The following CACNA2D2 variants were observed in gnomAD, a reference collection of about 807,000 sequenced individuals.
CACNA2D2 encodes the protein calcium voltage-gated channel auxiliary subunit alpha2delta 2, also known as voltage-dependent calcium channel subunit alpha-2/delta-2.
A neutral mutation model predicts 166.4 loss-of-function variants in CACNA2D2; 48 were observed. The ratio of observed to expected loss-of-function variants is 0.29; its 90% CI spans 0.23 to 0.37. CACNA2D2 has a LOEUF of 0.37. Among genes scored for constraint, CACNA2D2 ranks in the 10% least tolerant of loss-of-function variants. The pLI is 1.00. For synonymous variants in CACNA2D2, 561 were observed against 573.7 expected (o/e 0.98, Z 0.32); for missense variants, 1,122 against 1,433.0 (o/e 0.78, Z 3.50).
chr3:50,442,673 C>T (rs976159814), intron 2 of CACNA2D2, among the ~76,000 whole-genome samples: 8 of 152,206 alleles, frequency 5.3e-5, no homozygotes, highest in Non-Finnish European at 1.2e-4. Context: ...GGCACTGGCT[C>T]CCTGCAACCT....
At chr3:50,394,888 C>A (rs1200443842) in intron 3 of CACNA2D2, among the ~76,000 whole-genome samples, 5 of 152,250 alleles carry the variant, frequency 3.3e-5, no homozygotes, top group African/African-American at 1.2e-4. Context: ...CACAACCTCG[C>A]AGAACCACCA....
At chr3:50,382,964 A>G (rs1287485728) in intron 6 of CACNA2D2, among the ~76,000 whole-genome samples, 1 of 152,242 alleles carries the variant, frequency 6.6e-6, no homozygotes, top group African/African-American at 2.4e-5. Context: ...ACTCAGCCCC[A>G]TGCGCACAGA....
intron 22 of CACNA2D2, chr3:50,373,158 G>A: frequency 7.7e-7 from 1 of 1,300,110 alleles, no homozygotes. Flanking sequence ...CGAAAAGGGG[G>A]AGGGAAAGGG....
At chr3:50,440,636 T>C (rs1708544866) in intron 2 of CACNA2D2, among the ~76,000 whole-genome samples, 1 of 152,170 alleles carries the variant, frequency 6.6e-6, no homozygotes, top group Non-Finnish European at 1.5e-5. Context: ...CACACAGCAG[T>C]GTGGGAGCAG....
chr3:50,378,369 G>T, intron 13 of CACNA2D2, 36 bp from the exon 14 acceptor site: 1 of 1,547,300 alleles, frequency 6.5e-7, no homozygotes, highest in South Asian at 1.2e-5. Context: ...GGGCCTGGCT[G>T]GCACTGCAGG....
chr3:50,432,109 G>T (rs768927397), intron 3 of CACNA2D2, among the ~76,000 whole-genome samples: 10 of 152,160 alleles, frequency 6.6e-5, no homozygotes, highest in Admixed American at 1.3e-4. Context: ...ACATAGCAGA[G>T]TCCAGCAAGG....
chr3:50,481,091 T>C (rs1463607034), intron 1 of CACNA2D2, among the ~76,000 whole-genome samples: 1 of 152,040 alleles, frequency 6.6e-6, no homozygotes, highest in East Asian at 1.9e-4. Flanking sequence ...GAATAAATTA[T>C]GCAGAAAACT....
At chr3:50,368,678 C>T (rs1196385799) in intron 23 of CACNA2D2, among the ~76,000 whole-genome samples, 3 of 152,214 alleles carry the variant, frequency 2.0e-5, no homozygotes, top group African/African-American at 7.2e-5. Context: ...GGCTGTGTGC[C>T]GTTAGGTAAC....
chr3:50,387,495 G>T, intron 5 of CACNA2D2, 73 bp downstream of exon 5: 1 of 1,263,248 alleles, frequency 7.9e-7, no homozygotes, highest in Non-Finnish European at 1.2e-6. Flanking sequence ...GTGGCGCTGA[G>T]TCCTAACATC....
intron 1 of CACNA2D2, among the ~76,000 whole-genome samples, chr3:50,488,325 A>G (rs1421664381): frequency 1.3e-5 from 2 of 152,164 alleles, no homozygotes; most frequent in Non-Finnish European, 1.5e-5. Context: ...TGCCCAGGGA[A>G]GCTGGGCCTC....
chr3:50,452,243 T>A, intron 2 of CACNA2D2, among the ~76,000 whole-genome samples: 1 of 152,174 alleles, frequency 6.6e-6, no homozygotes, highest in Non-Finnish European at 1.5e-5. Flanking sequence ...TGAGAATGCC[T>A]CACAGCCCAA....
chr3:50,382,100 AG>A (rs1412580298), intron 6 of CACNA2D2, among the ~76,000 whole-genome samples: 2 of 152,058 alleles, frequency 1.3e-5, no homozygotes, highest in African/African-American at 4.8e-5. Context: ...TGGTTTGAGC[AG>A]TACCCTCGAC....
intron 1 of CACNA2D2, among the ~76,000 whole-genome samples, chr3:50,501,173 A>G (rs1698947887): frequency 6.6e-6 from 1 of 152,132 alleles, no homozygotes; most frequent in Non-Finnish European, 1.5e-5. Flanking sequence ...TGGCCCGAAC[A>G]ACAGCCTAAA....
At chr3:50,417,391 C>T (rs887596275) in intron 3 of CACNA2D2, among the ~76,000 whole-genome samples, 8 of 152,356 alleles carry the variant, frequency 5.3e-5, no homozygotes, top group Admixed American at 6.5e-5. Flanking sequence ...GCAGGCCCTG[C>T]AACCCTTGCT....
intron 2 of CACNA2D2, among the ~76,000 whole-genome samples, chr3:50,470,986 A>G (rs1710064695): frequency 6.6e-6 from 1 of 152,154 alleles, no homozygotes; most frequent in Admixed American, 6.5e-5. Context: ...TTTCCATTAA[A>G]GAATAATATA....
chr3:50,430,973 C>T (rs764597984), intron 3 of CACNA2D2, among the ~76,000 whole-genome samples: 4 of 152,176 alleles, frequency 2.6e-5, no homozygotes, highest in Non-Finnish European at 5.9e-5. Context: ...AGCAACCACC[C>T]TTTGCAGCTT....
At chr3:50,456,326 G>C (rs772457645) in intron 2 of CACNA2D2, among the ~76,000 whole-genome samples, 1 of 152,232 alleles carries the variant, frequency 6.6e-6, no homozygotes, top group African/African-American at 2.4e-5. Context: ...CTGGTAGAGT[G>C]GGGGAGGGGA....
At chr3:50,385,228 G>A (rs1172994002) in intron 5 of CACNA2D2, among the ~76,000 whole-genome samples, 3 of 152,250 alleles carry the variant, frequency 2.0e-5, no homozygotes, top group Non-Finnish European at 4.4e-5. Flanking sequence ...AGGTGAAGAG[G>A]AAAAAGCCAG....
At chr3:50,373,007 G>A (rs1704742120) in intron 22 of CACNA2D2, 1 of 1,438,976 alleles carries the variant, frequency 6.9e-7, no homozygotes, top group South Asian at 1.2e-5. Context: ...GGGCAAGCAG[G>A]GGCGTGAGGA....
Sources: gnomAD v4.1 joint callset for allele counts (sites outside exome capture counted in the v4.1 genomes callset) on GRCh38, gnomAD v4.1.1 for gene constraint, MANE v1.5 for transcripts, NCBI Gene and HGNC (gene_info 2026-07-23, HGNC 2026-07-21) for gene names.